The following CNBD1 variants were observed in gnomAD, a reference collection of about 807,000 sequenced individuals.
CNBD1 encodes cyclic nucleotide-binding domain-containing protein 1.
CNBD1 carries 71 observed loss-of-function variants against 54.4 expected under a neutral mutation model. That is an observed-to-expected ratio of 1.30 (90% confidence interval 1.08 to 1.59). The LOEUF is 1.59. Ranked by LOEUF, CNBD1 falls within the 40% of genes most tolerant of loss-of-function variation. CNBD1 has a pLI of 0.00. For missense variants in CNBD1, 659 were observed against 518.0 expected (o/e 1.27, Z -2.64); for synonymous variants, 182 against 170.7 (o/e 1.07, Z -0.51).
chr8:86,903,582 GTT>G (rs1808971367), intron 2 of CNBD1, among the ~76,000 whole-genome samples: 1 of 152,018 alleles, frequency 6.6e-6, no homozygotes, highest in African/African-American at 2.4e-5. Context: ...TATCCCAGAG[GTT>G]AAAATAATGG....
chr8:87,054,453 A>G (rs1187051266), intron 4 of CNBD1, among the ~76,000 whole-genome samples: 1 of 152,220 alleles, frequency 6.6e-6, no homozygotes, highest in African/African-American at 2.4e-5. Flanking sequence ...CTTTAGATCC[A>G]AGTCTTGGAA....
chr8:87,381,065 C>T (rs1811062964), intron 10 of CNBD1, among the ~76,000 whole-genome samples: 1 of 151,974 alleles, frequency 6.6e-6, no homozygotes, highest in South Asian at 2.1e-4. Flanking sequence ...AAAACGTTTG[C>T]ACAGCAAAGG....
At chr8:86,956,439 G>A (rs536054627) in intron 4 of CNBD1, among the ~76,000 whole-genome samples, 3 of 152,242 alleles carry the variant, frequency 2.0e-5, no homozygotes, top group East Asian at 1.9e-4. Context: ...CCATTTTCAC[G>A]ACATTGATTC....
intron 6 of CNBD1, among the ~76,000 whole-genome samples, chr8:87,239,193 C>T (rs1807640214): frequency 6.6e-6 from 1 of 152,088 alleles, no homozygotes; most frequent in Non-Finnish European, 1.5e-5. Context: ...TTTTAACTTG[C>T]AGCAACTCTG....
At chr8:87,158,743 A>G (rs1191963579) in intron 4 of CNBD1, among the ~76,000 whole-genome samples, 5 of 152,172 alleles carry the variant, frequency 3.3e-5, no homozygotes, top group Non-Finnish European at 7.3e-5. Context: ...CACTGAGTCC[A>G]CTGCTTAGTC....
chr8:87,316,907 T>C (rs766303223), intron 8 of CNBD1, among the ~76,000 whole-genome samples: 2 of 151,764 alleles, frequency 1.3e-5, no homozygotes, highest in Non-Finnish European at 2.9e-5. Context: ...CATTATATAA[T>C]GGAATGCATT....
At chr8:87,175,982 T>G (rs577507208) in intron 4 of CNBD1, among the ~76,000 whole-genome samples, 2 of 152,308 alleles carry the variant, frequency 1.3e-5, no homozygotes, top group Non-Finnish European at 1.5e-5. Flanking sequence ...CCCAGTTTTG[T>G]CTTCTGCTGT....
chr8:87,090,396 A>G (rs150525948), intron 4 of CNBD1, among the ~76,000 whole-genome samples: 21 of 152,306 alleles, frequency 1.4e-4, no homozygotes, highest in African/African-American at 4.1e-4. Context: ...CCAATATCCT[A>G]TGATGATGAG....
At chr8:87,067,892 A>G (rs867977125) in intron 4 of CNBD1, among the ~76,000 whole-genome samples, 52 of 151,962 alleles carry the variant, frequency 3.4e-4, no homozygotes, top group African/African-American at 1.2e-3. Flanking sequence ...ATGCTCCTCT[A>G]CAATAGCTGA....
intron 8 of CNBD1, among the ~76,000 whole-genome samples, chr8:87,290,013 T>C (rs535457161): frequency 1.3e-5 from 2 of 152,256 alleles, no homozygotes; most frequent in Admixed American, 1.3e-4. Context: ...TTAATAATTT[T>C]TCACCATATT....
chr8:87,250,091 A>T (rs1807883290), intron 6 of CNBD1, among the ~76,000 whole-genome samples: 1 of 152,214 alleles, frequency 6.6e-6, no homozygotes, highest in South Asian at 2.1e-4. Context: ...AGGGATTAAT[A>T]ACCAGAATTT....
At chr8:87,189,925 G>T (rs546652386) in intron 4 of CNBD1, among the ~76,000 whole-genome samples, 19 of 152,244 alleles carry the variant, frequency 1.2e-4, no homozygotes, top group Admixed American at 5.9e-4. Flanking sequence ...TCCAGGAAAA[G>T]AATTTTACAG....
intron 4 of CNBD1, among the ~76,000 whole-genome samples, chr8:87,129,114 A>G (rs1812064895): frequency 7.2e-6 from 1 of 138,234 alleles, no homozygotes; most frequent in Admixed American, 7.9e-5. Context: ...CTTCAGAAGG[A>G]TATGAATCTG....
chr8:86,993,033 G>A (rs781663694), intron 4 of CNBD1, among the ~76,000 whole-genome samples: 4 of 152,092 alleles, frequency 2.6e-5, no homozygotes, highest in Admixed American at 6.6e-5. Flanking sequence ...CATGGACCAT[G>A]TCTTCAAATA....
chr8:87,045,160 G>A (rs1360289747), intron 4 of CNBD1, among the ~76,000 whole-genome samples: 1 of 152,126 alleles, frequency 6.6e-6, no homozygotes, highest in Non-Finnish European at 1.5e-5. Flanking sequence ...TCCATGTGGG[G>A]TTCCATTTGC....
intron 2 of CNBD1, among the ~76,000 whole-genome samples, chr8:86,890,152 T>A (rs142251904): frequency 3.3e-5 from 5 of 152,252 alleles, no homozygotes; most frequent in African/African-American, 1.2e-4. Context: ...TACATTTTTA[T>A]TAACTTTAGT....
chr8:86,893,787 C>A (rs576531649), intron 2 of CNBD1, among the ~76,000 whole-genome samples: 6 of 152,186 alleles, frequency 3.9e-5, no homozygotes, highest in African/African-American at 1.4e-4. Context: ...GTATGAAAAT[C>A]TTGCAGGCAT....
chr8:87,131,394 C>G (rs559323849), intron 4 of CNBD1, among the ~76,000 whole-genome samples: 2 of 152,106 alleles, frequency 1.3e-5, no homozygotes, highest in South Asian at 4.1e-4. Context: ...ACATTTTTAA[C>G]TTTTCACACC....
intron 6 of CNBD1, among the ~76,000 whole-genome samples, chr8:87,261,238 T>A (rs143941495): frequency 6.6e-6 from 1 of 152,024 alleles, no homozygotes; most frequent in East Asian, 1.9e-4. Context: ...TCTGTGGAGC[T>A]CCAAAATCTG....
Sources: allele counts gnomAD v4.1 joint callset (sites outside exome capture counted in the v4.1 genomes callset), GRCh38; gene constraint gnomAD v4.1.1; transcripts MANE v1.5; gene names NCBI Gene and HGNC (gene_info 2026-07-23, HGNC 2026-07-21).